The following MOXD1 variants were observed in gnomAD, a reference collection of about 807,000 sequenced individuals.
The protein encoded by MOXD1 is DBH-like monooxygenase protein 1.
MOXD1 carries 62 observed loss-of-function variants against 66.6 expected under a neutral mutation model. The observed-to-expected ratio is 0.93, with a 90% CI of 0.76 to 1.15. MOXD1 has a LOEUF of 1.15. Ranked by LOEUF, MOXD1 falls within the 50% of genes most tolerant of loss-of-function variation. The pLI, the probability that MOXD1 is intolerant of heterozygous loss-of-function variation, is 0.00. For synonymous variants in MOXD1, 303 were observed against 281.9 expected (o/e 1.07, Z -0.75); for missense variants, 847 against 754.6 (o/e 1.12, Z -1.44).
intron 1 of MOXD1, among the ~76,000 whole-genome samples, chr6:132,393,788 C>T (rs1335284346): frequency 6.6e-6 from 1 of 152,172 alleles, no homozygotes; most frequent in African/African-American, 2.4e-5. Context: ...ACACTCATCA[C>T]CCACAGACAC....
chr6:132,325,690 C>G (rs1775171627), intron 6 of MOXD1, among the ~76,000 whole-genome samples: 1 of 152,148 alleles, frequency 6.6e-6, no homozygotes, highest in South Asian at 2.1e-4. Flanking sequence ...ATAAAGTTAC[C>G]TAATCTGTGC....
chr6:132,312,547 G>C (rs1368282000), intron 10 of MOXD1, among the ~76,000 whole-genome samples: 2 of 151,208 alleles, frequency 1.3e-5, no homozygotes, highest in Non-Finnish European at 2.9e-5. Context: ...GCTCTTTTGT[G>C]CTCATATTTT....
chr6:132,401,288 G>C lies in MOXD1; in HGVS notation c.139C>G (p.Gln47Glu). The C allele has an allele frequency of 6.3e-7, 1 of 1,598,288 alleles. No individual in the cohort carries two copies. The highest frequency in any genetic ancestry group is 8.5e-7 in the Non-Finnish European group (1 of 1,177,506). The change falls in exon 1 of 12, where the codon CAG (glutamine) becomes GAG (glutamate). Residue 47 changes from glutamine (Q) to glutamate (E), a missense_variant. Physicochemically the swap from Gln to Glu is conservative, Grantham distance 29 (BLOSUM62 2). Coordinates refer to ENST00000367963, the MANE Select transcript of MOXD1 (RefSeq NM_015529.4). ...CGCACCTGGAGGCGGAAGGCGATCT[G>C]GCTGCCCCGCTGGCTCCAGCCCAGC... ...YWLGWSQRGS[Q>E]IAFRLQVRTA...
intron 1 of MOXD1, among the ~76,000 whole-genome samples, chr6:132,400,753 C>T (rs1777004245): frequency 6.6e-6 from 1 of 152,122 alleles, no homozygotes; most frequent in Non-Finnish European, 1.5e-5. Context: ...GACAGCAAGT[C>T]CGCGACGTAC....
chr6:132,395,451 G>A (rs894864506), intron 1 of MOXD1, among the ~76,000 whole-genome samples: 1 of 151,912 alleles, frequency 6.6e-6, no homozygotes, highest in African/African-American at 2.4e-5. Context: ...TAAAAAATAA[G>A]AGAGTAAGAA....
intron 1 of MOXD1, among the ~76,000 whole-genome samples, chr6:132,397,676 AAGAAAG>A (rs1461755726): frequency 4.2e-5 from 6 of 141,648 alleles, no homozygotes; most frequent in African/African-American, 1.6e-4. Flanking sequence ...GAAAGAAAGA[AAGAAAG>A]AAAGAAAGAA....
intron 8 of MOXD1, among the ~76,000 whole-genome samples, chr6:132,322,313 A>G (rs1349214033): frequency 6.6e-6 from 1 of 152,184 alleles, no homozygotes; most frequent in Non-Finnish European, 1.5e-5. Flanking sequence ...TCTCTTCAAC[A>G]TAGCATAAAG....
Position 132,349,480 on chromosome 6 carries a change from T to TAC in MOXD1, c.664-20888_664-20887dup, listed in dbSNP as rs199999266. 3.4e-3 allele frequency among the ~76,000 whole-genome samples: 130 copies of TAC among 37,994 alleles called. 34 individuals carry two copies. Among genetic ancestry groups the TAC allele is most frequent in the African/African-American group, 0.01 (128 of 12,362 alleles). 24.9% of individuals were successfully genotyped at this position (37,994 alleles called of 152,430 possible). A position where few individuals can be genotyped will look rare whatever the true frequency, so the allele number is the denominator to read the frequency against. On this transcript the variant is annotated intron_variant, in intron 4 of 11. Coordinates refer to ENST00000367963, the MANE Select transcript of MOXD1 (RefSeq NM_015529.4). ...ATATATATATACATATATATATATA[T>TAC]ACATATATATATATACCACAGTTTC...
At chr6:132,327,862 C>A in intron 6 of MOXD1, 151 bp downstream of exon 6, 1 of 595,182 alleles carries the variant, frequency 1.7e-6, no homozygotes, top group Non-Finnish European at 2.9e-6. Flanking sequence ...TACCCACTTT[C>A]ACTTTAAAAA....
chr6:132,381,539 A>C (rs1271258315), intron 1 of MOXD1, among the ~76,000 whole-genome samples: 1 of 152,150 alleles, frequency 6.6e-6, no homozygotes, highest in African/African-American at 2.4e-5. Flanking sequence ...AAAGAGGGAA[A>C]TAGAAGGAGA....
intron 1 of MOXD1, among the ~76,000 whole-genome samples, chr6:132,375,352 G>A (rs1776357128): frequency 6.6e-6 from 1 of 152,180 alleles, no homozygotes; most frequent in Non-Finnish European, 1.5e-5. Context: ...TGAATTACAC[G>A]ATATTGAAAA....
At chr6:132,396,465 TA>T (rs914874762) in intron 1 of MOXD1, among the ~76,000 whole-genome samples, 5 of 150,482 alleles carry the variant, frequency 3.3e-5, no homozygotes, top group East Asian at 2.0e-4. Context: ...ATAATTCACC[TA>T]AAAAAAACTA....
chr6:132,325,851 C>T (rs1289602912), intron 6 of MOXD1, among the ~76,000 whole-genome samples: 2 of 152,190 alleles, frequency 1.3e-5, no homozygotes, highest in Admixed American at 1.3e-4. Context: ...AGTGGTCACA[C>T]ATCTACCAGG....
intron 1 of MOXD1, among the ~76,000 whole-genome samples, chr6:132,389,061 CAG>C (rs1776704790): frequency 6.6e-6 from 1 of 150,892 alleles, no homozygotes; most frequent in South Asian, 2.2e-4. Flanking sequence ...ATTTGGGGGA[CAG>C]AGTCTTGCTC....
chr6:132,301,422 C>G (rs2114524899), intron 10 of MOXD1, among the ~76,000 whole-genome samples: 1 of 152,084 alleles, frequency 6.6e-6, no homozygotes, highest in Non-Finnish European at 1.5e-5. Context: ...TCAAACTGAT[C>G]AATGGAAATT....
intron 1 of MOXD1, among the ~76,000 whole-genome samples, chr6:132,392,572 A>G (rs1364428137): frequency 2.0e-5 from 3 of 152,202 alleles, no homozygotes; most frequent in Non-Finnish European, 4.4e-5. Context: ...GGGCAATGAG[A>G]GCTGAACTGA....
intron 4 of MOXD1, among the ~76,000 whole-genome samples, chr6:132,355,460 C>A (rs140342317): frequency 2.0e-5 from 3 of 152,284 alleles, no homozygotes; most frequent in South Asian, 2.1e-4. Context: ...GTAGGCTGGG[C>A]CTGCTTCTTA....
chr6:132,306,215 A>G (rs1325290430), intron 10 of MOXD1, among the ~76,000 whole-genome samples: 1 of 152,138 alleles, frequency 6.6e-6, no homozygotes, highest in Non-Finnish European at 1.5e-5. Flanking sequence ...TTCATGAAGC[A>G]TACACAAATA....
intron 4 of MOXD1, among the ~76,000 whole-genome samples, chr6:132,360,506 A>G (rs1775996474): frequency 6.6e-6 from 1 of 152,096 alleles, no homozygotes; most frequent in Admixed American, 6.5e-5. Context: ...CCACACCACT[A>G]CTTCCACCTA....
Sources: gnomAD v4.1 joint callset for allele counts (sites outside exome capture counted in the v4.1 genomes callset) on GRCh38, gnomAD v4.1.1 for gene constraint, MANE v1.5 for transcripts, NCBI Gene and HGNC (gene_info 2026-07-23, HGNC 2026-07-21) for gene names.